Variants in UQCC2 observed in about 807,000 individuals in gnomAD.
UQCC2 encodes ubiquinol-cytochrome c reductase complex assembly factor 2, also known as breast cancer-associated protein SGA-81M.
In UQCC2, 21 loss-of-function variants were observed where a neutral mutation model predicts 19.9. The ratio of observed to expected loss-of-function variants is 1.05; its 90% CI spans 0.75 to 1.52. The LOEUF (loss-of-function observed/expected upper bound fraction) is 1.52, where lower values mean the gene tolerates loss of function less well. UQCC2 is among the 40% of genes most tolerant of loss of function. The pLI, the probability that UQCC2 is intolerant of heterozygous loss-of-function variation, is 0.00. For synonymous variants in UQCC2, 57 were observed against 60.9 expected (o/e 0.94, Z 0.30); for missense variants, 135 against 157.5 (o/e 0.86, Z 0.76).
intron 1 of UQCC2, among the ~76,000 whole-genome samples, chr6:33,705,186 C>G (rs2127336208): frequency 6.6e-6 from 1 of 152,240 alleles, no homozygotes; most frequent in African/African-American, 2.4e-5. Context: ...CGCCCGCTAC[C>G]ACGCCTGGCT....
intron 1 of UQCC2, among the ~76,000 whole-genome samples, chr6:33,706,803 C>T (rs1401642870): frequency 6.6e-6 from 1 of 152,160 alleles, no homozygotes; most frequent in Non-Finnish European, 1.5e-5. Context: ...GGGTTTTTTG[C>T]GGTTGTAGGG....
In UQCC2 at chr6:33,696,793, T is replaced by A. The variant is rs1325072669; in HGVS notation, c.*860A>T. 2.0e-5 allele frequency: 3 copies of A among 152,254 alleles called. No homozygotes were observed. Among genetic ancestry groups the A allele is most frequent in the Admixed American group, 2.0e-4 (3 of 15,292 alleles). 9.4% of individuals were successfully genotyped at this position (152,254 alleles called of 1,614,324 possible). ...TACGGCAGTCCTGTCGATTTTATTT[T>A]ATGCATTTCAGAACATCCTGAGGAG... is the stretch of plus-strand genomic sequence containing the variant. On this transcript the variant is annotated 3_prime_UTR_variant, in exon 4 of 4. Coordinates refer to ENST00000607484, the MANE Select transcript of UQCC2 (RefSeq NM_032340.4).
rs151283293 is a variant in UQCC2, at chr6:33,711,123, G to A, written c.138+426C>T. Among the ~76,000 whole-genome samples the A allele has an allele frequency of 2.1e-3, 321 of 152,320 alleles. 2 individuals are homozygous for A. Among genetic ancestry groups the A allele is most frequent in the African/African-American group, 7.2e-3 (300 of 41,570 alleles). ...CTCTCTGCACCTTGAATCACCTGGA[G>A]AGCTTTTAAAACTCTGAGGTCAAGA... On this transcript the variant is annotated intron_variant, in intron 1 of 3. Transcript: ENST00000607484.
chr6:33,702,430 T>C (rs1227892408), intron 1 of UQCC2, among the ~76,000 whole-genome samples: 1 of 151,920 alleles, frequency 6.6e-6, no homozygotes, highest in Non-Finnish European at 1.5e-5. Flanking sequence ...GAAGGCAACA[T>C]TTAAGATAAA....
intron 1 of UQCC2, among the ~76,000 whole-genome samples, chr6:33,703,950 C>T (rs1364658619): frequency 2.0e-5 from 3 of 152,156 alleles, no homozygotes; most frequent in Non-Finnish European, 2.9e-5. Context: ...TCCTTTAATC[C>T]GGGACCGTTC....
chr6:33,697,805 A>C, intron 3 of UQCC2, 55 bp from the exon 4 acceptor site: 7 of 1,483,254 alleles, frequency 4.7e-6, no homozygotes, highest in Non-Finnish European at 5.6e-6. Flanking sequence ...ACTTGATGAC[A>C]TAGATTGGAC....
Position 33,697,752 on chromosome 6 carries a change from T to C in UQCC2, c.284-2A>G. 3 of 1,611,962 alleles carry C rather than the reference T, an allele frequency of 1.9e-6. No individual in the cohort carries two copies. The highest frequency in any genetic ancestry group is 2.7e-5 in the African/African-American group (2 of 74,874). Reference sequence around the variant, plus strand: ...TTTCCTTAAGCTCTTCCAAGGTGTCTGCAAAAGGGGAAGACAAAAAGAGAG... The same window carrying C: ...TTTCCTTAAGCTCTTCCAAGGTGTCCGCAAAAGGGGAAGACAAAAAGAGAG... On this transcript the variant is annotated splice_acceptor_variant, in intron 3 of 3. Transcript: ENST00000607484. LOFTEE classifies it high-confidence loss of function.
intron 1 of UQCC2, among the ~76,000 whole-genome samples, chr6:33,708,133 T>G (rs1157851526): frequency 6.6e-6 from 1 of 152,264 alleles, no homozygotes; most frequent in Non-Finnish European, 1.5e-5. Flanking sequence ...GGACTGGTAG[T>G]GGCTGGGGCA....
chr6:33,706,399 A>T (rs1295984102), intron 1 of UQCC2, among the ~76,000 whole-genome samples: 3 of 152,200 alleles, frequency 2.0e-5, no homozygotes, highest in Non-Finnish European at 4.4e-5. Flanking sequence ...CACAAAGACG[A>T]CGACCCAGGC....
At chr6:33,706,961 C>T (rs760219352) in intron 1 of UQCC2, among the ~76,000 whole-genome samples, 1 of 152,200 alleles carries the variant, frequency 6.6e-6, no homozygotes, top group Non-Finnish European at 1.5e-5. Flanking sequence ...CAGGCTGGGA[C>T]CAAGGATCAG....
intron 3 of UQCC2, 45 bp from the exon 4 acceptor site, chr6:33,697,795 A>G (rs767473859): frequency 2.6e-6 from 4 of 1,529,516 alleles, no homozygotes; most frequent in Non-Finnish European, 1.8e-6. Context: ...GAAGTCTAAA[A>G]CTTGATGACA....
Position 33,697,582 on chromosome 6 carries a change from G to C in UQCC2, c.*71C>G. On this transcript the variant is annotated 3_prime_UTR_variant, in exon 4 of 4. Transcript: ENST00000607484. The stretch of plus-strand genomic sequence containing the variant: ...AAACCGTAAGGTCAAGGGGAAACTG[G>C]GGCAGTTTTATTGACGATGGCAATG... 1 of 1,181,716 alleles carries C rather than the reference G, an allele frequency of 8.5e-7. No homozygotes were observed. The highest frequency in any genetic ancestry group is 1.2e-6 in the Non-Finnish European group (1 of 827,890). The allele number at this position is 1,181,716 out of a possible 1,614,324, so 73.2% of individuals were successfully genotyped here.
intron 1 of UQCC2, among the ~76,000 whole-genome samples, chr6:33,708,676 G>C (rs928743962): frequency 6.6e-6 from 1 of 152,198 alleles, no homozygotes; most frequent in African/African-American, 2.4e-5. Flanking sequence ...TCAGTCAACT[G>C]GATCTAAGCC....
Position 33,711,645 on chromosome 6 carries a change from C to G in UQCC2, c.42G>C (p.Glu14Asp), listed in dbSNP as rs759631594. The stretch of plus-strand genomic sequence containing the variant: ...GTTTGGTCTCGTCCACTGGCCATTC[C>G]TCACAGAGCTTAAGAAAACGCCGGT... ...SRYRRFLKLC[E>D]EWPVDETKRG... Residue 14 changes from glutamate to aspartate, a missense_variant, in exon 1 of 4, where the codon GAG (glutamate) becomes GAC (aspartate). By Grantham distance (45) the Glu-to-Asp change is conservative. Transcript: ENST00000607484. 1.2e-6 allele frequency: 2 copies of G among 1,613,846 alleles called. No individual in the cohort carries two copies. The highest frequency in any genetic ancestry group is 1.7e-6 in the Non-Finnish European group (2 of 1,179,882).
At chr6:33,700,934 T>C (rs1765632359) in intron 2 of UQCC2, among the ~76,000 whole-genome samples, 1 of 152,234 alleles carries the variant, frequency 6.6e-6, no homozygotes, top group South Asian at 2.1e-4. Context: ...AAATGGAATT[T>C]GACAGTAATC....
At chr6:33,705,198 A>G (rs1765686164) in intron 1 of UQCC2, among the ~76,000 whole-genome samples, 6 of 151,956 alleles carry the variant, frequency 3.9e-5, no homozygotes. Flanking sequence ...CGCCTGGCTA[A>G]TTTTTTGTAT....
At chr6:33,702,042 T>G (rs904554079) in intron 1 of UQCC2, among the ~76,000 whole-genome samples, 25 of 152,148 alleles carry the variant, frequency 1.6e-4, no homozygotes, top group Non-Finnish European at 5.9e-5. Context: ...TCTCTCACTC[T>G]ATTGCCCAGG....
chr6:33,710,311 T>C (rs934062761), intron 1 of UQCC2, among the ~76,000 whole-genome samples: 12 of 152,140 alleles, frequency 7.9e-5, no homozygotes, highest in African/African-American at 2.7e-4. Context: ...AAAAAGTAAA[T>C]TAGGGCACAT....
At chr6:33,701,216 G>T in intron 2 of UQCC2, 130 bp downstream of exon 2, 1 of 976,400 alleles carries the variant, frequency 1.0e-6, no homozygotes, top group Non-Finnish European at 1.5e-6. Flanking sequence ...TGGCTTGGTT[G>T]AAATTACTGG....
Sources: allele counts gnomAD v4.1 joint callset (sites outside exome capture counted in the v4.1 genomes callset), GRCh38; gene constraint gnomAD v4.1.1; transcripts MANE v1.5; gene names NCBI Gene and HGNC (gene_info 2026-07-23, HGNC 2026-07-21).